The following CERS3 variants were observed in gnomAD, a reference collection of about 807,000 sequenced individuals.
The protein encoded by CERS3 is ceramide synthase 3.
In CERS3, 33 loss-of-function variants were observed where a neutral mutation model predicts 50.3. That is an observed-to-expected ratio of 0.66 (90% CI 0.50 to 0.88). CERS3 has a LOEUF of 0.88. Ranked by LOEUF, CERS3 falls within the 40% of genes least tolerant of loss-of-function variation. The pLI, the probability that CERS3 is intolerant of heterozygous loss-of-function variation, is 0.00. For synonymous variants in CERS3, 176 were observed against 155.2 expected (o/e 1.13, Z -0.99); for missense variants, 470 against 460.3 (o/e 1.02, Z -0.19).
chr15:100,439,469 C>T lies in CERS3; in HGVS notation c.999+16424G>A, dbSNP rs2033582796. ...ATGTGTAAGGAATTGAAGGAACAAA[C>T]TCACAATCTCTGTTACAAGATTTAA... On this transcript the variant is annotated intron_variant, in intron 11 of 11. Coordinates refer to ENST00000679737, the MANE Select transcript of CERS3 (RefSeq NM_001378789.1). 1.4e-5 allele frequency among the ~76,000 whole-genome samples: 2 copies of T among 142,444 alleles called. 1 individual carries two copies. Among genetic ancestry groups the T allele is most frequent in the Non-Finnish European group, 3.3e-5 (2 of 61,270 alleles). 93.4% of individuals were successfully genotyped at this position (142,444 alleles called of 152,430 possible). A position where few individuals can be genotyped will look rare whatever the true frequency, so the allele number is the denominator to read the frequency against.
intron 2 of CERS3, among the ~76,000 whole-genome samples, chr15:100,513,504 C>G (rs2036405602): frequency 6.6e-6 from 1 of 150,590 alleles, no homozygotes; most frequent in Non-Finnish European, 1.5e-5. Flanking sequence ...GCTTTCTAAT[C>G]TTTGAAAGCA....
At chr15:100,489,012 T>G (rs907449897) in intron 4 of CERS3, among the ~76,000 whole-genome samples, 5 of 152,196 alleles carry the variant, frequency 3.3e-5, no homozygotes, top group Non-Finnish European at 2.9e-5. Flanking sequence ...CCAGACCTCG[T>G]GATCCACCCA....
intron 1 of CERS3, among the ~76,000 whole-genome samples, chr15:100,540,106 C>A (rs2037163726): frequency 1.3e-5 from 2 of 152,204 alleles, no homozygotes; most frequent in Admixed American, 1.3e-4. Flanking sequence ...ATGTGCCCCA[C>A]CTTACTGTCC....
At chr15:100,467,843 A>ACG (rs1249465124) in intron 10 of CERS3, among the ~76,000 whole-genome samples, 34 of 122,670 alleles carry the variant, frequency 2.8e-4, no homozygotes, top group South Asian at 2.2e-3. Flanking sequence ...ACGTGTATAT[A>ACG]TATATATATA....
intron 3 of CERS3, among the ~76,000 whole-genome samples, chr15:100,498,301 G>A (rs972256059): frequency 6.6e-6 from 1 of 152,118 alleles, no homozygotes; most frequent in African/African-American, 2.4e-5. Context: ...ACCTAATAAA[G>A]TGTAGATGAA....
chr15:100,489,215 A>C (rs2035579256), intron 4 of CERS3, among the ~76,000 whole-genome samples: 2 of 152,230 alleles, frequency 1.3e-5, no homozygotes, highest in Non-Finnish European at 2.9e-5. Context: ...CCATTTACAG[A>C]TAAAGAACTC....
chr15:100,529,190 T>C (rs1384526634), upstream of CERS3: 1 of 152,214 alleles, frequency 6.6e-6, no homozygotes, highest in African/African-American at 2.4e-5. Context: ...AACAGGATGA[T>C]CTTGCTGTTT....
At chr15:100,530,468 A>C (rs1477214985), upstream of CERS3, among the ~76,000 whole-genome samples, 1 of 152,220 alleles carries the variant, frequency 6.6e-6, no homozygotes, top group African/African-American at 2.4e-5. Flanking sequence ...TCTGTGCCTA[A>C]TGAAAGTCTG....
chr15:100,464,939 G>A (rs1265520305), intron 10 of CERS3, among the ~76,000 whole-genome samples: 1 of 152,162 alleles, frequency 6.6e-6, no homozygotes, highest in Admixed American at 6.5e-5. Flanking sequence ...GTAAAAGAGT[G>A]CAGTGGCTGG....
intron 2 of CERS3, among the ~76,000 whole-genome samples, chr15:100,512,240 C>T (rs1013489282): frequency 3.1e-4 from 47 of 152,296 alleles, no homozygotes; most frequent in Non-Finnish European, 6.5e-4. Context: ...AAAATGGATC[C>T]AATCCCTTTA....
chr15:100,426,739 C>A (rs998084258), intron 11 of CERS3, among the ~76,000 whole-genome samples: 2 of 152,194 alleles, frequency 1.3e-5, no homozygotes, highest in Admixed American at 1.3e-4. Context: ...AACTCAAAAA[C>A]TCAATAGCTA....
intron 10 of CERS3, among the ~76,000 whole-genome samples, chr15:100,468,677 T>G (rs2034863654): frequency 6.6e-6 from 1 of 152,122 alleles, no homozygotes; most frequent in South Asian, 2.1e-4. Flanking sequence ...ATCTAAGTCT[T>G]CCCCACATGT....
intron 11 of CERS3, among the ~76,000 whole-genome samples, chr15:100,432,778 TTGTA>T (rs1236163990): frequency 6.6e-6 from 1 of 152,076 alleles, no homozygotes; most frequent in Non-Finnish European, 1.5e-5. Context: ...TTCGAAAGAA[TTGTA>T]TGTATTTAGC....
intron 11 of CERS3, among the ~76,000 whole-genome samples, chr15:100,436,276 G>C (rs1013548945): frequency 1.3e-5 from 2 of 152,154 alleles, no homozygotes; most frequent in South Asian, 2.1e-4. Flanking sequence ...TATACACCAT[G>C]GAATACTATG....
chr15:100,485,761 G>C (rs1015802224), intron 4 of CERS3, among the ~76,000 whole-genome samples: 1 of 152,130 alleles, frequency 6.6e-6, no homozygotes, highest in Non-Finnish European at 1.5e-5. Flanking sequence ...CTACTCAGGA[G>C]GCTGAGGCAG....
At chr15:100,473,100 C>T (rs1417067437) in intron 8 of CERS3, 48 bp from the exon 9 acceptor site, 2 of 1,565,410 alleles carry the variant, frequency 1.3e-6, no homozygotes, top group African/African-American at 1.4e-5. Context: ...GCATTTATTT[C>T]CCAATCACTG....
intron 11 of CERS3, among the ~76,000 whole-genome samples, chr15:100,437,243 C>T (rs1322379353): frequency 6.6e-6 from 1 of 152,168 alleles, no homozygotes; most frequent in Admixed American, 6.5e-5. Flanking sequence ...CCGCACCTGG[C>T]CTACATTGAC....
At chr15:100,514,718 A>G (rs538692338) in intron 2 of CERS3, among the ~76,000 whole-genome samples, 3 of 152,332 alleles carry the variant, frequency 2.0e-5, no homozygotes, top group Admixed American at 1.3e-4. Context: ...ACATCATACT[A>G]TGATTATATG....
At chr15:100,452,043 C>A (rs1341453741) in intron 11 of CERS3, among the ~76,000 whole-genome samples, 1 of 152,128 alleles carries the variant, frequency 6.6e-6, no homozygotes, top group African/African-American at 2.4e-5. Flanking sequence ...CTTCAACACC[C>A]TCCTATCACC....
Sources: allele counts gnomAD v4.1 joint callset (sites outside exome capture counted in the v4.1 genomes callset), GRCh38; gene constraint gnomAD v4.1.1; transcripts MANE v1.5; gene names NCBI Gene and HGNC (gene_info 2026-07-23, HGNC 2026-07-21).